RTN4RL1: variants seen among roughly 807,000 people sequenced by gnomAD.
RTN4RL1 encodes the protein reticulon 4 receptor like 1.
RTN4RL1 carries 7 observed loss-of-function variants against 25.6 expected under a neutral mutation model. The observed-to-expected ratio is 0.27, with a 90% CI of 0.16 to 0.51. The LOEUF (loss-of-function observed/expected upper bound fraction) is 0.51. Among genes scored for constraint, RTN4RL1 ranks in the 20% least tolerant of loss-of-function variants. RTN4RL1 has a pLI of 0.97. For synonymous variants in RTN4RL1, 297 were observed against 288.2 expected, an observed-to-expected ratio of 1.03 and a Z score of -0.31; for missense variants, 500 against 615.6, an observed-to-expected ratio of 0.81 and a Z score of 1.99.
At chr17:1,988,848 G>T (rs185498367) in intron 1 of RTN4RL1, among the ~76,000 whole-genome samples, 1 of 149,506 alleles carries the variant, frequency 6.7e-6, no homozygotes, top group East Asian at 1.9e-4. Flanking sequence ...CACAGCCCAG[G>T]TACATGTGAG....
In RTN4RL1 at chr17:1,971,831, G is replaced by A. The variant is rs996498856; in HGVS notation, c.14-34023C>T. 6.6e-5 allele frequency among the ~76,000 whole-genome samples: 10 copies of A among 151,318 alleles called. No homozygotes were observed. In the East Asian group the frequency reaches 7.7e-4, roughly 12 times the overall value. ...CAAAACATTAGCCAGGTGTGGTGGCGGGCGCCTGTAGTCCCAGCTACTCGG... is the reference window on the plus strand; with the variant it reads ...CAAAACATTAGCCAGGTGTGGTGGCAGGCGCCTGTAGTCCCAGCTACTCGG... On this transcript the variant is annotated intron_variant, in intron 1 of 1. Coordinates refer to ENST00000331238, the MANE Select transcript of RTN4RL1 (RefSeq NM_178568.4).
intron 1 of RTN4RL1, among the ~76,000 whole-genome samples, chr17:1,956,738 CTT>C (rs35830030): frequency 0.094 from 12,466 of 132,312 alleles, 701 homozygotes; most frequent in Admixed American, 0.18. Flanking sequence ...CTGTCGGGAA[CTT>C]TTTTTTTTTT....
chr17:1,937,672 C>T lies in RTN4RL1; in HGVS notation c.150G>A (p.Glu50=). 6.2e-7 allele frequency: 1 copy of T among 1,613,706 alleles called. No individual in the cohort carries two copies. The highest frequency in any genetic ancestry group is 1.3e-5 in the African/African-American group (1 of 75,054). The change falls in exon 2 of 2, where the codon GAG becomes GAA. Residue 50 remains glutamate, a synonymous_variant. Coordinates refer to ENST00000331238, the MANE Select transcript of RTN4RL1 (RefSeq NM_178568.4). ...CQAHNFAAIP[E]GIPVDSERVF... is the part of the protein sequence containing the mutation. ...CGCGCTCGCTGTCCACGGGGATGCC[C>T]TCCGGGATGGCTGCAAAGTTGTGCG...
chr17:1,939,168 C>T lies in RTN4RL1; in HGVS notation c.14-1360G>A, dbSNP rs918207772. Among the ~76,000 whole-genome samples, 34 of 151,800 alleles carry T rather than the reference C, an allele frequency of 2.2e-4. 1 individual carries two copies. Among genetic ancestry groups the T allele is most frequent in the East Asian group, 9.7e-4 (5 of 5,154 alleles). On this transcript the variant is annotated intron_variant, in intron 1 of 1. Coordinates refer to ENST00000331238, the MANE Select transcript of RTN4RL1 (RefSeq NM_178568.4). ...GAGATCGAGACCATCCTGGCTAACA[C>T]GGCGAAACCCCGTCTCTACTAAAAA...
intron 1 of RTN4RL1, among the ~76,000 whole-genome samples, chr17:1,984,552 T>TC (rs2066880062): frequency 6.6e-6 from 1 of 152,106 alleles, no homozygotes; most frequent in Non-Finnish European, 1.5e-5. Context: ...CTAAGTCACT[T>TC]CCCCAAAACT....
intron 1 of RTN4RL1, among the ~76,000 whole-genome samples, chr17:1,940,996 G>A (rs1221713721): frequency 6.6e-6 from 1 of 152,214 alleles, no homozygotes; most frequent in Non-Finnish European, 1.5e-5. Flanking sequence ...GGGACGGGGT[G>A]ATATGTGTCC....
intron 1 of RTN4RL1, among the ~76,000 whole-genome samples, chr17:2,012,964 T>C (rs898189960): frequency 3.3e-5 from 5 of 152,116 alleles, no homozygotes; most frequent in African/African-American, 1.2e-4. Flanking sequence ...CAACTAAATT[T>C]TGTATTTTTA....
chr17:1,966,103 C>G (rs1420572753), intron 1 of RTN4RL1, among the ~76,000 whole-genome samples: 2 of 152,176 alleles, frequency 1.3e-5, no homozygotes, highest in Non-Finnish European at 2.9e-5. Flanking sequence ...CCCTGCCCCT[C>G]TGTGATGGCT....
In RTN4RL1 at chr17:2,009,700, T is replaced by C. The variant is rs920299634; in HGVS notation, c.13+15153A>G. The stretch of plus-strand genomic sequence containing the variant: ...GAGAAAGAGAGGCATCTGACCCCGA[T>C]GTAAAGGGGGATCCCCAGATCGGCC... On this transcript the variant is annotated intron_variant, in intron 1 of 1. Transcript: ENST00000331238. 3.2e-5 allele frequency among the ~76,000 whole-genome samples: 4 copies of C among 126,168 alleles called. 1 individual carries two copies. The highest frequency in any genetic ancestry group is 1.2e-4 in the African/African-American group (4 of 32,730). 82.8% of individuals were successfully genotyped at this position (126,168 alleles called of 152,430 possible).
chr17:1,962,631 G>A (rs549080858), intron 1 of RTN4RL1, among the ~76,000 whole-genome samples: 3 of 151,984 alleles, frequency 2.0e-5, no homozygotes, highest in Non-Finnish European at 4.4e-5. Context: ...TTGGGAGGCC[G>A]AGGCAGGTGG....
intron 1 of RTN4RL1, among the ~76,000 whole-genome samples, chr17:1,954,201 A>G (rs1386403011): frequency 6.6e-6 from 1 of 152,084 alleles, no homozygotes; most frequent in Admixed American, 6.6e-5. Context: ...CACGCCTTCC[A>G]ATGAGTTCCT....
intron 1 of RTN4RL1, among the ~76,000 whole-genome samples, chr17:2,021,050 AG>A (rs2067194642): frequency 6.6e-6 from 1 of 152,198 alleles, no homozygotes; most frequent in Non-Finnish European, 1.5e-5. Context: ...ATGGAGAAGC[AG>A]GGAGGGCAGC....
chr17:2,011,596 C>T (rs1482392348), intron 1 of RTN4RL1, among the ~76,000 whole-genome samples: 3 of 152,156 alleles, frequency 2.0e-5, no homozygotes, highest in Admixed American at 1.3e-4. Flanking sequence ...GGAGAGGGAC[C>T]ACGGAGGGCT....
intron 1 of RTN4RL1, among the ~76,000 whole-genome samples, chr17:1,980,926 CAAAAAAAAA>C (rs71723916): frequency 2.3e-5 from 2 of 87,148 alleles, no homozygotes; most frequent in Admixed American, 2.7e-4. Flanking sequence ...GATTCTATCT[CAAAAAAAAA>C]AAAAAAAAAA....
intron 1 of RTN4RL1, among the ~76,000 whole-genome samples, chr17:2,012,071 C>T (rs1043821325): frequency 2.6e-5 from 4 of 152,168 alleles, no homozygotes; most frequent in Admixed American, 1.3e-4. Context: ...AGGCACCACC[C>T]GAGCTCAGCT....
chr17:1,962,839 G>A (rs1345867747), intron 1 of RTN4RL1, among the ~76,000 whole-genome samples: 2 of 145,804 alleles, frequency 1.4e-5, no homozygotes. Context: ...TCCAGCCTGG[G>A]CGGCAGAGGG....
rs995532929 is a variant in RTN4RL1, at chr17:1,994,174, G to A, written c.13+30679C>T. Reference sequence around the variant, plus strand: ...TCTCATTTTGCTGCCTCTGAGAAGAGTGTGCCCAGGTGGAATTCACAGGCG... The same window carrying A: ...TCTCATTTTGCTGCCTCTGAGAAGAATGTGCCCAGGTGGAATTCACAGGCG... On this transcript the variant is annotated intron_variant, in intron 1 of 1. Coordinates refer to ENST00000331238, the MANE Select transcript of RTN4RL1 (RefSeq NM_178568.4). This position sits in a 1 kb window ranked among gnomAD's most constrained non-coding sequence, Gnocchi z 4.3. Among the ~76,000 whole-genome samples the A allele has an allele frequency of 6.6e-6, 1 of 152,146 alleles. No homozygotes were observed. Among genetic ancestry groups the A allele is most frequent in the African/African-American group, 2.4e-5 (1 of 41,418 alleles).
chr17:1,981,957 G>A (rs914023307), intron 1 of RTN4RL1, among the ~76,000 whole-genome samples: 13 of 152,234 alleles, frequency 8.5e-5, no homozygotes, highest in Admixed American at 6.5e-4. Context: ...TGCACAGCAC[G>A]TGCCTGTGCT....
chr17:1,943,605 T>C (rs1280148639), intron 1 of RTN4RL1, among the ~76,000 whole-genome samples: 1 of 152,166 alleles, frequency 6.6e-6, no homozygotes, highest in Admixed American at 6.5e-5. Flanking sequence ...GCTAACCCAA[T>C]GCTCTCTGCT....
Sources: allele counts gnomAD v4.1 joint callset (sites outside exome capture counted in the v4.1 genomes callset), GRCh38; gene constraint gnomAD v4.1.1; non-coding constraint Gnocchi (gnomAD v3.1); transcripts MANE v1.5; gene names NCBI Gene and HGNC (gene_info 2026-07-23, HGNC 2026-07-21).